Variants in DACH1 observed in about 807,000 individuals in gnomAD.
DACH1 encodes dachshund homolog 1.
In DACH1, 12 loss-of-function variants were observed where a neutral mutation model predicts 54.2. That is an observed-to-expected ratio of 0.22 (90% CI 0.14 to 0.36). DACH1 has a LOEUF of 0.36. DACH1 is among the 10% of genes least tolerant of loss of function. DACH1 has a pLI of 1.00. For missense variants in DACH1, 805 were observed against 929.8 expected, an observed-to-expected ratio of 0.87 and a Z score of 1.75; for synonymous variants, 386 against 366.2, an observed-to-expected ratio of 1.05 and a Z score of -0.62.
At position 71,755,477 on chromosome 13, in the gene DACH1, A is replaced by G. The variant is rs374096648; in HGVS notation, c.849-73567T>C. ...GTTAAATCTCTTCTTTCTGCAGTCA[A>G]TGTCCCAAGGTCCCAAGATTATTGT... On this transcript the variant is annotated intron_variant, in intron 1 of 10. Coordinates refer to ENST00000613252, the MANE Select transcript of DACH1 (RefSeq NM_080759.6). Among the ~76,000 whole-genome samples the G allele has an allele frequency of 3.9e-5, 6 of 152,218 alleles. No individual in the cohort carries two copies. In the East Asian group the frequency reaches 7.7e-4, roughly 20 times the overall value.
intron 8 of DACH1, among the ~76,000 whole-genome samples, chr13:71,476,129 T>C (rs534573406): frequency 6.6e-6 from 1 of 152,280 alleles, no homozygotes; most frequent in South Asian, 2.1e-4. Context: ...CTAATTTTAG[T>C]AAATGTTTGT....
At chr13:71,564,409 T>C (rs1165075593) in intron 4 of DACH1, among the ~76,000 whole-genome samples, 1 of 151,540 alleles carries the variant, frequency 6.6e-6, no homozygotes, top group African/African-American at 2.4e-5. Flanking sequence ...TCTTTTGCAA[T>C]GTTCCATCTT....
intron 10 of DACH1, among the ~76,000 whole-genome samples, chr13:71,466,274 T>A (rs994647376): frequency 2.6e-5 from 4 of 152,196 alleles, no homozygotes; most frequent in Admixed American, 2.6e-4. Context: ...TGACTATTGG[T>A]CTTCCAGATA....
At chr13:71,686,756 G>T (rs925176827) in intron 1 of DACH1, among the ~76,000 whole-genome samples, 1 of 152,174 alleles carries the variant, frequency 6.6e-6, no homozygotes, top group Non-Finnish European at 1.5e-5. Context: ...AAACTGTGGT[G>T]TCTACACATT....
At chr13:71,445,944 T>G (rs557158211) in intron 10 of DACH1, among the ~76,000 whole-genome samples, 4 of 152,284 alleles carry the variant, frequency 2.6e-5, no homozygotes, top group African/African-American at 9.6e-5. Context: ...GGTCCTATAA[T>G]TCAAACTGTG....
chr13:71,702,543 T>C (rs1231589918), intron 1 of DACH1, among the ~76,000 whole-genome samples: 2 of 152,112 alleles, frequency 1.3e-5, no homozygotes, highest in East Asian at 1.9e-4. Context: ...GCAGAAAATA[T>C]TGTCACGCAA....
chr13:71,686,760 A>G (rs1881185688), intron 1 of DACH1, among the ~76,000 whole-genome samples: 1 of 152,216 alleles, frequency 6.6e-6, no homozygotes, highest in Non-Finnish European at 1.5e-5. Context: ...TGTGGTGTCT[A>G]CACATTGGAA....
chr13:71,538,416 T>C (rs1882939007), intron 6 of DACH1, among the ~76,000 whole-genome samples: 1 of 151,960 alleles, frequency 6.6e-6, no homozygotes, highest in African/African-American at 2.4e-5. Context: ...ATGATTTTAT[T>C]GTAGTGTTTG....
At chr13:71,835,470 C>G (rs1888748446) in intron 1 of DACH1, among the ~76,000 whole-genome samples, 1 of 152,020 alleles carries the variant, frequency 6.6e-6, no homozygotes, top group Non-Finnish European at 1.5e-5. Flanking sequence ...TGGCCTGCCT[C>G]CAAGTAAGGT....
chr13:71,483,448 TATA>T (rs1314382817), intron 7 of DACH1, among the ~76,000 whole-genome samples: 2 of 146,818 alleles, frequency 1.4e-5, no homozygotes, highest in African/African-American at 2.5e-5. Flanking sequence ...TAAAAATTAA[TATA>T]ATAAATAACA....
At chr13:71,689,268 C>A (rs1159532005) in intron 1 of DACH1, among the ~76,000 whole-genome samples, 2 of 152,190 alleles carry the variant, frequency 1.3e-5, no homozygotes, top group East Asian at 1.9e-4. Context: ...GGGGCTTTAC[C>A]CTTACATCAC....
intron 1 of DACH1, among the ~76,000 whole-genome samples, chr13:71,844,147 A>G (rs1037392394): frequency 2.0e-5 from 3 of 152,228 alleles, no homozygotes; most frequent in African/African-American, 7.2e-5. Context: ...TGAGACTTCC[A>G]AGAGCATCCA....
chr13:71,509,238 C>A (rs1433689187), intron 6 of DACH1, among the ~76,000 whole-genome samples: 2 of 152,000 alleles, frequency 1.3e-5, no homozygotes, highest in African/African-American at 2.4e-5. Flanking sequence ...TCTGATACAA[C>A]CTCTGTCTCT....
At chr13:71,496,275 A>G (rs1338385558) in intron 6 of DACH1, among the ~76,000 whole-genome samples, 1 of 106,192 alleles carries the variant, frequency 9.4e-6, no homozygotes, top group Admixed American at 9.9e-5. Context: ...ATATATATAT[A>G]TATATATATA....
chr13:71,735,537 T>TATACGTGTATATGGGATATACGTGTATAC (rs1566468265), intron 1 of DACH1, among the ~76,000 whole-genome samples: 5 of 123,022 alleles, frequency 4.1e-5, no homozygotes, highest in African/African-American at 1.5e-4. Flanking sequence ...TACACGTATA[T>TATACGTGTATATGGGATATACGTGTATAC]GGGATATACG....
At chr13:71,731,437 T>C (rs944658295) in intron 1 of DACH1, among the ~76,000 whole-genome samples, 5 of 151,838 alleles carry the variant, frequency 3.3e-5, no homozygotes, top group African/African-American at 9.7e-5. Flanking sequence ...GCGCCCGCCA[T>C]CACACCCGGC....
chr13:71,574,827 T>G (rs1885432137), intron 3 of DACH1, among the ~76,000 whole-genome samples: 1 of 152,062 alleles, frequency 6.6e-6, no homozygotes, highest in Non-Finnish European at 1.5e-5. Flanking sequence ...CAGAAATGAC[T>G]TACATAAAAG....
At chr13:71,451,611 T>C in intron 10 of DACH1, among the ~76,000 whole-genome samples, 1 of 152,140 alleles carries the variant, frequency 6.6e-6, no homozygotes, top group Non-Finnish European at 1.5e-5. Context: ...ATGAGAAACA[T>C]TCTATTAAGA....
intron 10 of DACH1, among the ~76,000 whole-genome samples, chr13:71,443,921 G>A (rs562593480): frequency 3.2e-4 from 48 of 152,194 alleles, no homozygotes; most frequent in African/African-American, 1.1e-3. Context: ...GACATATTGT[G>A]TAACATTTAT....
Sources: allele counts gnomAD v4.1 joint callset (sites outside exome capture counted in the v4.1 genomes callset), GRCh38; gene constraint gnomAD v4.1.1; transcripts MANE v1.5; gene names NCBI Gene and HGNC (gene_info 2026-07-23, HGNC 2026-07-21).